The following SPON1 variants were observed in gnomAD, a reference collection of about 807,000 sequenced individuals.
The protein encoded by SPON1 is spondin 1, also known as spondin-1.
In SPON1, 52 loss-of-function variants were observed where a neutral mutation model predicts 111.7. The ratio of observed to expected loss-of-function variants is 0.47; its 90% CI spans 0.37 to 0.59. The LOEUF is 0.59. Ranked by LOEUF, SPON1 falls within the 20% of genes least tolerant of loss-of-function variation. The pLI, the probability that SPON1 is intolerant of heterozygous loss-of-function variation, is 0.00. For missense variants in SPON1, 957 were observed against 1,068.5 expected, an observed-to-expected ratio of 0.90 and a Z score of 1.46; for synonymous variants, 410 against 395.8, an observed-to-expected ratio of 1.04 and a Z score of -0.43.
chr11:14,135,987 C>CGTTCG lies in SPON1; in HGVS notation c.825+419_825+420insGTTCG, dbSNP rs1847587156. Among the ~76,000 whole-genome samples the CGTTCG allele has an allele frequency of 6.6e-6, 1 of 152,160 alleles. No individual in the cohort carries two copies. Among genetic ancestry groups the CGTTCG allele is most frequent in the Non-Finnish European group, 1.5e-5 (1 of 68,032 alleles). The stretch of plus-strand genomic sequence containing the variant: ...CTTTTTGCAACTATGTCTTGAGGTA[C>CGTTCG]TTGATAAATTAGTCGTTCGTTCATC... On this transcript the variant is annotated intron_variant, in intron 6 of 15. Coordinates refer to ENST00000576479, the MANE Select transcript of SPON1 (RefSeq NM_006108.4). This position sits in a 1 kb window ranked among gnomAD's most constrained non-coding sequence, Gnocchi z 4.4.
At chr11:14,046,998 T>C (rs1023426310) in intron 3 of SPON1, among the ~76,000 whole-genome samples, 1 of 152,192 alleles carries the variant, frequency 6.6e-6, no homozygotes, top group Non-Finnish European at 1.5e-5. Flanking sequence ...TTTCTAATCA[T>C]TGATCCCTTG....
chr11:14,265,725 C>G lies in SPON1; in HGVS notation c.*38C>G. 6.3e-7 allele frequency: 1 copy of G among 1,594,786 alleles called. No individual in the cohort carries two copies. The highest frequency in any genetic ancestry group is 8.6e-7 in the Non-Finnish European group (1 of 1,168,742). On this transcript the variant is annotated 3_prime_UTR_variant, in exon 16 of 16. Transcript: ENST00000576479. ...TTCCCCAGGGCTGCACTCTAGATTC[C>G]AGAGTCACCAATGGCTGGATTATTT...
intron 6 of SPON1, among the ~76,000 whole-genome samples, chr11:14,143,945 C>G (rs943031644): frequency 3.3e-5 from 5 of 152,176 alleles, no homozygotes; most frequent in Non-Finnish European, 4.4e-5. Flanking sequence ...CTTATTTACC[C>G]TTGCCACCTG....
At chr11:13,982,091 G>T (rs563796203) in intron 1 of SPON1, among the ~76,000 whole-genome samples, 1 of 152,296 alleles carries the variant, frequency 6.6e-6, no homozygotes, top group South Asian at 2.1e-4. Context: ...ATGCTGTTTT[G>T]AGTATTGTTA....
rs1847583755 is a variant in SPON1, at chr11:14,135,695, G to C, written c.825+127G>C. ...GGAAGAAAATCTATTTGCTGAGTTT[G>C]GGGGTTTTATGTTAAGTAGAGGACA... On this transcript the variant is annotated intron_variant, in intron 6 of 15. Coordinates refer to ENST00000576479, the MANE Select transcript of SPON1 (RefSeq NM_006108.4). The surrounding 1 kb of genome is among the most constrained non-coding windows in gnomAD (Gnocchi z 4.4). 1.0e-6 allele frequency: 1 copy of C among 977,960 alleles called. No individual in the cohort carries two copies. The highest frequency in any genetic ancestry group is 1.5e-6 in the Non-Finnish European group (1 of 662,550). 60.6% of individuals were successfully genotyped at this position (977,960 alleles called of 1,614,324 possible).
chr11:13,972,386 C>T (rs1015855806), intron 1 of SPON1, among the ~76,000 whole-genome samples: 6 of 152,132 alleles, frequency 3.9e-5, no homozygotes, highest in Non-Finnish European at 8.8e-5. Context: ...CATGGTTTAT[C>T]GTTAGATTTA....
At chr11:13,989,252 C>T (rs1848208999) in intron 2 of SPON1, among the ~76,000 whole-genome samples, 1 of 152,144 alleles carries the variant, frequency 6.6e-6, no homozygotes, top group Non-Finnish European at 1.5e-5. Context: ...TTCAGGGATT[C>T]AGCTTCTTCA....
intron 6 of SPON1, among the ~76,000 whole-genome samples, chr11:14,229,471 G>A (rs1482318245): frequency 1.3e-5 from 2 of 152,136 alleles, no homozygotes; most frequent in Non-Finnish European, 2.9e-5. Context: ...AGTAGTGAGA[G>A]GTCGCACTGA....
At position 14,080,005 on chromosome 11, in the gene SPON1, C is replaced by A; in HGVS notation, c.660C>A (p.His220Gln). 1.2e-6 allele frequency: 2 copies of A among 1,613,890 alleles called. No homozygotes were observed. The highest frequency in any genetic ancestry group is 1.7e-6 in the Non-Finnish European group (2 of 1,179,874). Residue 220 changes from histidine (H) to glutamine (Q), a missense_variant, in exon 5 of 16, where the codon CAC (histidine) becomes CAA (glutamine). Coordinates refer to ENST00000576479, the MANE Select transcript of SPON1 (RefSeq NM_006108.4). The part of the protein sequence containing the change: ...TFYGNWSEKT[H>Q]PKDYPRRANH... The stretch of plus-strand genomic sequence containing the variant: ...ATGGGAATTGGTCCGAGAAGACACA[C>A]CCAAAGGATTACCCTCGTGAGTAGA...
chr11:14,244,298 T>G (rs1169922629), intron 7 of SPON1, among the ~76,000 whole-genome samples: 2 of 152,110 alleles, frequency 1.3e-5, no homozygotes, highest in Non-Finnish European at 2.9e-5. Flanking sequence ...GGCGGGCAGA[T>G]CACGAGGTCA....
chr11:14,090,975 G>C (rs1849050034), intron 5 of SPON1, among the ~76,000 whole-genome samples: 1 of 151,828 alleles, frequency 6.6e-6, no homozygotes, highest in Non-Finnish European at 1.5e-5. Context: ...ACAGAGTTTT[G>C]ACACACAGGT....
chr11:14,000,014 A>G (rs2133792095), intron 2 of SPON1, among the ~76,000 whole-genome samples: 1 of 152,294 alleles, frequency 6.6e-6, no homozygotes, highest in South Asian at 2.1e-4. Flanking sequence ...CCTCTTTGGA[A>G]TAAAGTTCAA....
chr11:14,234,898 T>C (rs1864658), intron 6 of SPON1, among the ~76,000 whole-genome samples: 39,577 of 152,250 alleles, frequency 0.26, 5,990 homozygotes, highest in East Asian at 0.49. Flanking sequence ...AGATACTTTC[T>C]CTTGCTCTAA....
At chr11:14,170,418 A>G (rs1848083903) in intron 6 of SPON1, among the ~76,000 whole-genome samples, 1 of 152,150 alleles carries the variant, frequency 6.6e-6, no homozygotes, top group South Asian at 2.1e-4. Flanking sequence ...GGTTTTCTAG[A>G]TATATAATCA....
At chr11:14,043,489 A>G (rs1401749875) in intron 3 of SPON1, among the ~76,000 whole-genome samples, 5 of 152,180 alleles carry the variant, frequency 3.3e-5, no homozygotes, top group East Asian at 1.9e-4. Flanking sequence ...TCAGAGTACT[A>G]TGGTCACTGT....
intron 6 of SPON1, among the ~76,000 whole-genome samples, chr11:14,197,215 T>G (rs1408084252): frequency 6.6e-6 from 1 of 152,172 alleles, no homozygotes; most frequent in Non-Finnish European, 1.5e-5. Context: ...TAGCATTATT[T>G]TCTAATATTG....
At chr11:14,022,088 C>A (rs567916224) in intron 2 of SPON1, among the ~76,000 whole-genome samples, 2 of 152,170 alleles carry the variant, frequency 1.3e-5, no homozygotes, top group African/African-American at 4.8e-5. Flanking sequence ...TTGACCTTAC[C>A]GTTTGGAAGA....
At chr11:14,084,269 G>A (rs1294601378) in intron 5 of SPON1, among the ~76,000 whole-genome samples, 4 of 151,956 alleles carry the variant, frequency 2.6e-5, no homozygotes, top group African/African-American at 9.7e-5. Context: ...CATGCATTAG[G>A]TTATTTGTCC....
At chr11:14,188,344 TCC>T (rs1554934266) in intron 6 of SPON1, among the ~76,000 whole-genome samples, 25 of 152,236 alleles carry the variant, frequency 1.6e-4, no homozygotes, top group African/African-American at 5.8e-4. Flanking sequence ...CTGGACACAG[TCC>T]AGGACTATCC....
Sources: gnomAD v4.1 joint callset for allele counts (sites outside exome capture counted in the v4.1 genomes callset) on GRCh38, gnomAD v4.1.1 for gene constraint, Gnocchi (gnomAD v3.1) non-coding constraint, MANE v1.5 for transcripts, NCBI Gene and HGNC (gene_info 2026-07-23, HGNC 2026-07-21) for gene names.